AGBL1: variants seen among roughly 807,000 people sequenced by gnomAD.
AGBL1 encodes the protein cytosolic carboxypeptidase 4.
A neutral mutation model predicts 118.9 loss-of-function variants in AGBL1; 130 were observed. The ratio of observed to expected loss-of-function variants is 1.09; its 90% CI spans 0.95 to 1.26. The LOEUF (loss-of-function observed/expected upper bound fraction) is 1.26. Ranked by LOEUF, AGBL1 falls within the 50% of genes most tolerant of loss-of-function variation. The probability of loss-of-function intolerance (pLI) is 0.00; values close to 1 mark genes in which losing one functional copy is unlikely to be tolerated. For synonymous variants in AGBL1, 555 were observed against 478.9 expected, an observed-to-expected ratio of 1.16 and a Z score of -2.08; for missense variants, 1,584 against 1,298.1, an observed-to-expected ratio of 1.22 and a Z score of -3.38.
chr15:86,928,107 T>C (rs1354142641), intron 23 of AGBL1, among the ~76,000 whole-genome samples: 1 of 152,164 alleles, frequency 6.6e-6, no homozygotes, highest in African/African-American at 2.4e-5. Flanking sequence ...GTATGGGCCA[T>C]TTAAACTAAG....
chr15:86,251,670 C>A (rs996130327), intron 7 of AGBL1, among the ~76,000 whole-genome samples: 1 of 152,168 alleles, frequency 6.6e-6, no homozygotes, highest in East Asian at 1.9e-4. Flanking sequence ...CTGAGTCTCA[C>A]GTTTCTGCAC....
intron 21 of AGBL1, among the ~76,000 whole-genome samples, chr15:86,624,271 T>A (rs781680200): frequency 6.6e-5 from 10 of 152,230 alleles, no homozygotes; most frequent in Non-Finnish European, 1.2e-4. Context: ...GTGAATTGAA[T>A]GTTAAAAGTA....
chr15:86,137,984 A>G (rs2076911864), intron 1 of AGBL1, among the ~76,000 whole-genome samples: 1 of 152,210 alleles, frequency 6.6e-6, no homozygotes, highest in South Asian at 2.1e-4. Context: ...TATAGAAGAC[A>G]ATGCTTGTTC....
intron 18 of AGBL1, among the ~76,000 whole-genome samples, chr15:86,517,018 G>A (rs2346739): frequency 0.68 from 103,363 of 152,008 alleles, 37,126 homozygotes; most frequent in African/African-American, 0.92. Flanking sequence ...ACTTAGAAAT[G>A]AAAACCACAT....
intron 22 of AGBL1, among the ~76,000 whole-genome samples, chr15:86,876,231 T>C (rs893117758): frequency 6.6e-6 from 1 of 151,698 alleles, no homozygotes; most frequent in African/African-American, 2.4e-5. Context: ...ACAATGAGAG[T>C]CTCAAACACA....
At chr15:86,676,377 A>G (rs2142555641) in intron 22 of AGBL1, among the ~76,000 whole-genome samples, 1 of 152,246 alleles carries the variant, frequency 6.6e-6, no homozygotes, top group East Asian at 1.9e-4. Flanking sequence ...TGAGAGGGAG[A>G]TCACCGTGAG....
At chr15:86,294,777 T>C (rs2079605680) in intron 16 of AGBL1, among the ~76,000 whole-genome samples, 1 of 152,176 alleles carries the variant, frequency 6.6e-6, no homozygotes, top group Non-Finnish European at 1.5e-5. Flanking sequence ...TGTACAAATT[T>C]ATGGGTACGC....
chr15:86,948,234 G>T (rs1015261083), intron 23 of AGBL1, among the ~76,000 whole-genome samples: 4 of 152,032 alleles, frequency 2.6e-5, no homozygotes, highest in Admixed American at 2.0e-4. Flanking sequence ...ATAAAGAGAT[G>T]AATGAAATAC....
At position 86,816,862 on chromosome 15, in the gene AGBL1, T is replaced by C. The variant is rs371478484; in HGVS notation, c.3159-90225T>C. 4.3e-4 allele frequency among the ~76,000 whole-genome samples: 66 copies of C among 152,290 alleles called. No homozygotes were observed. The East Asian group carries it at 6.8e-3, about 16-fold the overall frequency. On this transcript the variant is annotated intron_variant, in intron 22 of 22. Transcript: ENST00000614907. ...TGCAGTTTTTTATCTAAATATTTTT[T>C]TTCCTTAGGTCATTAAACCTTCACA...
chr15:87,008,065 C>T (rs2081522277), intron 24 of AGBL1, among the ~76,000 whole-genome samples: 1 of 152,176 alleles, frequency 6.6e-6, no homozygotes. Context: ...GTCAACTTGA[C>T]TGGATTAAGA....
intron 18 of AGBL1, among the ~76,000 whole-genome samples, chr15:86,435,453 T>C (rs1035618026): frequency 2.6e-5 from 4 of 152,196 alleles, no homozygotes; most frequent in Non-Finnish European, 5.9e-5. Flanking sequence ...TTTTGGTAAA[T>C]TTACATTTTT....
At chr15:86,341,476 A>G (rs564608998) in intron 17 of AGBL1, among the ~76,000 whole-genome samples, 7 of 152,168 alleles carry the variant, frequency 4.6e-5, no homozygotes, top group Middle Eastern at 3.4e-3. Flanking sequence ...TACTTTTTAT[A>G]TTTGTGTTCT....
chr15:86,606,916 G>A (rs1370635261), intron 21 of AGBL1, among the ~76,000 whole-genome samples: 1 of 152,102 alleles, frequency 6.6e-6, no homozygotes, highest in Non-Finnish European at 1.5e-5. Flanking sequence ...ATGTTGTAGT[G>A]TCATATAGAG....
chr15:86,820,020 T>C (rs907599651), intron 22 of AGBL1, among the ~76,000 whole-genome samples: 4 of 152,064 alleles, frequency 2.6e-5, no homozygotes, highest in Non-Finnish European at 5.9e-5. Flanking sequence ...TTGACAAACC[T>C]GACAAAAACA....
At chr15:86,369,724 G>A (rs1348359390) in intron 17 of AGBL1, among the ~76,000 whole-genome samples, 2 of 152,086 alleles carry the variant, frequency 1.3e-5, no homozygotes, top group Non-Finnish European at 2.9e-5. Flanking sequence ...CACCAAACAA[G>A]CTTGTGCAGT....
intron 8 of AGBL1, 125 bp from the exon 9 acceptor site, chr15:86,257,839 C>T: frequency 2.4e-6 from 2 of 833,290 alleles, no homozygotes; most frequent in Non-Finnish European, 3.8e-6. Flanking sequence ...GGATATTGTG[C>T]AATTAATATT....
rs112465278 is a variant in AGBL1 at position 87,012,336 on chromosome 15, TGG to T, written c.3324-16483_3324-16482del. Among the ~76,000 whole-genome samples, 6 of 152,010 alleles carry T rather than the reference TGG, an allele frequency of 3.9e-5. No individual in the cohort carries two copies. In the South Asian group the frequency reaches 1.2e-3, roughly 32 times the overall value. On this transcript the variant is annotated intron_variant, in intron 24 of 24. Coordinates refer to the AGBL1 transcript ENST00000441037. ...TTGATTTTTCTCATTTCCATATTTT[TGG>T]GGGGGTACTTTCCTACATTGGAGGG...
intron 18 of AGBL1, among the ~76,000 whole-genome samples, chr15:86,465,921 C>G (rs957926360): frequency 1.3e-5 from 2 of 152,154 alleles, no homozygotes; most frequent in African/African-American, 4.8e-5. Context: ...TGACCCACTC[C>G]CTATTTGTAC....
intron 22 of AGBL1, among the ~76,000 whole-genome samples, chr15:86,813,032 A>G (rs1459403361): frequency 6.6e-6 from 1 of 152,094 alleles, no homozygotes; most frequent in Non-Finnish European, 1.5e-5. Context: ...CAAGAGGAAG[A>G]AAGTGGGTCA....
Sources: allele counts gnomAD v4.1 joint callset (sites outside exome capture counted in the v4.1 genomes callset), GRCh38; gene constraint gnomAD v4.1.1; transcripts MANE v1.5; gene names NCBI Gene and HGNC (gene_info 2026-07-23, HGNC 2026-07-21).